The following LYRM4 variants were observed in gnomAD, a reference collection of about 807,000 sequenced individuals.
The protein encoded by LYRM4 is LYR motif containing 4.
LYRM4 carries 9 observed loss-of-function variants against 11.7 expected under a neutral mutation model. The ratio of observed to expected loss-of-function variants is 0.77; its 90% CI spans 0.46 to 1.34. The LOEUF (loss-of-function observed/expected upper bound fraction) is 1.34. Ranked by LOEUF, LYRM4 falls within the 40% of genes most tolerant of loss-of-function variation. The pLI is 0.00. For missense variants in LYRM4, 133 were observed against 112.5 expected (o/e 1.18, Z -0.82); for synonymous variants, 42 against 40.4 (o/e 1.04, Z -0.15).
chr6:5,090,015 G>GACACACACACACACACACAC, the LYRM4 span, among the ~76,000 whole-genome samples: 4,723 of 149,630 alleles, frequency 0.032, 93 homozygotes, highest in African/African-American at 0.05. This position sits in a 1 kb window ranked among gnomAD's most constrained non-coding sequence, Gnocchi z 4.8. Flanking sequence ...CTGAAAGGAA[G>GACACACACACACACACACAC]ACACACACAC....
intron 1 of LYRM4, among the ~76,000 whole-genome samples, chr6:5,257,168 A>T (rs1489808216): frequency 6.6e-6 from 1 of 152,090 alleles, no homozygotes; most frequent in Non-Finnish European, 1.5e-5. Context: ...CCTGTGAGCT[A>T]AGGGTAAAGT....
At chr6:5,164,960 T>C (rs1212557048) in intron 2 of LYRM4, among the ~76,000 whole-genome samples, 1 of 99,242 alleles carries the variant, frequency 1.0e-5, no homozygotes, top group Non-Finnish European at 1.9e-5. Context: ...AGAGTGAGAC[T>C]GTGTCTCAAA....
At chr6:5,212,173 C>G (rs1490483773) in intron 2 of LYRM4, among the ~76,000 whole-genome samples, 1 of 152,182 alleles carries the variant, frequency 6.6e-6, no homozygotes, top group Admixed American at 6.5e-5. Context: ...TGACACAAAA[C>G]AAGGTACACT....
At chr6:5,159,357 C>T (rs1199539085) in intron 2 of LYRM4, among the ~76,000 whole-genome samples, 1 of 152,110 alleles carries the variant, frequency 6.6e-6, no homozygotes, top group Non-Finnish European at 1.5e-5. Flanking sequence ...AGAGGGAAGC[C>T]AGGAGAGAGG....
At chr6:5,110,644 T>C (rs1352253866) in intron 2 of LYRM4, among the ~76,000 whole-genome samples, 7 of 151,980 alleles carry the variant, frequency 4.6e-5, no homozygotes, top group Non-Finnish European at 7.4e-5. Flanking sequence ...ATATGGGGGA[T>C]GGGGGGATCT....
intron 1 of LYRM4, among the ~76,000 whole-genome samples, chr6:5,231,444 T>A (rs1309339733): frequency 6.6e-6 from 1 of 152,174 alleles, no homozygotes; most frequent in Non-Finnish European, 1.5e-5. Flanking sequence ...GAATACTGGA[T>A]TGAATCCAGG....
intron 2 of LYRM4, among the ~76,000 whole-genome samples, chr6:5,210,519 T>A (rs1173380715): frequency 6.6e-6 from 1 of 152,146 alleles, no homozygotes; most frequent in African/African-American, 2.4e-5. Context: ...TTATTTTTAT[T>A]GTGGAAAAAA....
intron 1 of LYRM4, among the ~76,000 whole-genome samples, chr6:5,240,895 C>T (rs1763838151): frequency 6.6e-6 from 1 of 152,176 alleles, no homozygotes; most frequent in Admixed American, 6.5e-5. Flanking sequence ...GTCTTATTAT[C>T]ACTTACATAA....
chr6:5,105,885 G>A (rs1406487695), downstream of LYRM4: 2 of 152,758 alleles, frequency 1.3e-5, no homozygotes, highest in Non-Finnish European at 2.9e-5. Context: ...CCATCCTTAG[G>A]CTGAGGCTCC....
chr6:5,198,575 G>A (rs1481391177), intron 2 of LYRM4, among the ~76,000 whole-genome samples: 6 of 152,228 alleles, frequency 3.9e-5, no homozygotes, highest in African/African-American at 1.2e-4. Context: ...AGCAGTGAGA[G>A]ACAGGATTCT....
intron 2 of LYRM4, among the ~76,000 whole-genome samples, chr6:5,169,354 C>A (rs1195571915): frequency 6.6e-6 from 1 of 152,132 alleles, no homozygotes; most frequent in Non-Finnish European, 1.5e-5. Flanking sequence ...GGAACTGGCA[C>A]AAACAAAATG....
At chr6:5,100,830 T>C (rs452658), downstream of LYRM4, among the ~76,000 whole-genome samples, 96,644 of 152,162 alleles carry the variant, frequency 0.64, 31,518 homozygotes, top group East Asian at 0.8. Context: ...AGGATCAAAG[T>C]GCTGGTGTTA....
the LYRM4 span, among the ~76,000 whole-genome samples, chr6:5,068,664 A>C: frequency 1.3e-5 from 2 of 152,170 alleles, no homozygotes; most frequent in Non-Finnish European, 2.9e-5. This position sits in a 1 kb window ranked among gnomAD's most constrained non-coding sequence, Gnocchi z 4.0. Context: ...TGGAAAGGGG[A>C]CACTGGAACA....
At chr6:5,190,519 A>C (rs1449664170) in intron 2 of LYRM4, among the ~76,000 whole-genome samples, 1 of 152,226 alleles carries the variant, frequency 6.6e-6, no homozygotes, top group East Asian at 1.9e-4. Flanking sequence ...ACACACATGC[A>C]GGCATGCAGA....
At chr6:5,218,098 G>T (rs1357215865) in intron 1 of LYRM4, 2 of 344,554 alleles carry the variant, frequency 5.8e-6, no homozygotes, top group Non-Finnish European at 8.2e-6. Flanking sequence ...TGGGGGATGG[G>T]GACTTGCTGC....
intron 2 of LYRM4, among the ~76,000 whole-genome samples, chr6:5,208,160 A>C (rs529036111): frequency 6.6e-6 from 1 of 152,314 alleles, no homozygotes; most frequent in Non-Finnish European, 1.5e-5. Flanking sequence ...TGTGGTGCAC[A>C]GTGTGTGTGT....
intron 2 of LYRM4, chr6:5,138,885 A>C: frequency 3.4e-6 from 2 of 592,834 alleles, no homozygotes; most frequent in Non-Finnish European, 5.7e-6. Flanking sequence ...TTAGACATAG[A>C]CATTTTGCTC....
intron 1 of LYRM4, among the ~76,000 whole-genome samples, chr6:5,237,652 TG>T (rs771302145): frequency 2.0e-4 from 31 of 152,172 alleles, no homozygotes; most frequent in Non-Finnish European, 2.1e-4. Flanking sequence ...TGGGGTGAAC[TG>T]AGCACTACTT....
At chr6:5,214,210 G>A (rs1232426058) in intron 2 of LYRM4, among the ~76,000 whole-genome samples, 1 of 152,208 alleles carries the variant, frequency 6.6e-6, no homozygotes, top group East Asian at 1.9e-4. Context: ...AGGCAGGGCA[G>A]CGGAGAGAGA....
Sources: gnomAD v4.1 joint callset for allele counts (sites outside exome capture counted in the v4.1 genomes callset) on GRCh38, gnomAD v4.1.1 for gene constraint, Gnocchi (gnomAD v3.1) non-coding constraint, MANE v1.5 for transcripts, NCBI Gene and HGNC (gene_info 2026-07-23, HGNC 2026-07-21) for gene names.